The following NFASC variants were observed in gnomAD, a reference collection of about 807,000 sequenced individuals.
NFASC encodes the protein neurofascin.
NFASC carries 43 observed loss-of-function variants against 147.5 expected under a neutral mutation model. That is an observed-to-expected ratio of 0.29 (90% confidence interval 0.23 to 0.38). The LOEUF (loss-of-function observed/expected upper bound fraction) is 0.38. Ranked by LOEUF, NFASC falls within the 10% of genes least tolerant of loss-of-function variation. The pLI, the probability that NFASC is intolerant of heterozygous loss-of-function variation, is 1.00. For synonymous variants in NFASC, 622 were observed against 665.5 expected (o/e 0.93, Z 1.01); for missense variants, 1,320 against 1,689.0 (o/e 0.78, Z 3.83).
intron 1 of NFASC, chr1:204,871,148 T>C: frequency 8.2e-7 from 1 of 1,221,708 alleles, no homozygotes; most frequent in Non-Finnish European, 1.1e-6. Flanking sequence ...TCAAAGACTC[T>C]GAAGCGGTGT....
chr1:204,868,576 C>T lies in NFASC; in HGVS notation c.-200+39794C>T, dbSNP rs140743876. On this transcript the variant is annotated intron_variant, in intron 1 of 29. Coordinates refer to ENST00000339876, the MANE Select transcript of NFASC (RefSeq NM_001005388.3). ...CCCCTCCTGGCTTCCTGTTCCCTAT[C>T]GGCATTAGGCTCCCTGGGTTGAGAA... Among the ~76,000 whole-genome samples, 917 of 152,324 alleles carry T rather than the reference C, an allele frequency of 6.0e-3. 3 individuals are homozygous for T. Among genetic ancestry groups the T allele is most frequent in the Admixed American group, 0.014 (215 of 15,302 alleles).
rs989890308 is a variant in NFASC, at chr1:204,987,065, G to C, written c.2471-353G>C. 1.0e-5 allele frequency: 3 copies of C among 287,438 alleles called. No individual in the cohort carries two copies. The highest frequency in any genetic ancestry group is 2.0e-5 in the Non-Finnish European group (3 of 151,978). 17.8% of individuals were successfully genotyped at this position (287,438 alleles called of 1,614,324 possible). A position where few individuals can be genotyped will look rare whatever the true frequency, so the allele number is the denominator to read the frequency against. ...CAGCCTCTGTACAAAACAGCTGTAA[G>C]TGGTTCTCTACCTAGGAATGGCTCT... On this transcript the variant is annotated intron_variant, in intron 21 of 29. Coordinates refer to ENST00000339876, the MANE Select transcript of NFASC (RefSeq NM_001005388.3). This position sits in a 1 kb window ranked among gnomAD's most constrained non-coding sequence, Gnocchi z 4.4.
chr1:204,967,479 A>G (rs12725682), intron 8 of NFASC, among the ~76,000 whole-genome samples: 34,705 of 151,910 alleles, frequency 0.23, 4,220 homozygotes, highest in Non-Finnish European at 0.28. Flanking sequence ...ACCTGCATGA[A>G]TCTCATTGAT....
At chr1:204,944,686 G>A in intron 3 of NFASC, 1 of 414,152 alleles carries the variant, frequency 2.4e-6, no homozygotes, top group Non-Finnish European at 4.3e-6. Context: ...AGGTGGCGGA[G>A]TTTGGGATTC....
At chr1:204,969,065 G>A (rs963100859) in intron 10 of NFASC, 83 bp downstream of exon 10, 8 of 1,309,310 alleles carry the variant, frequency 6.1e-6, no homozygotes, top group Non-Finnish European at 8.5e-6. Context: ...GTGGTTGGGG[G>A]CAGAGTGAGT....
chr1:204,894,755 T>A (rs2083073004), intron 1 of NFASC, among the ~76,000 whole-genome samples: 1 of 152,218 alleles, frequency 6.6e-6, no homozygotes, highest in Non-Finnish European at 1.5e-5. Context: ...TTTCTTACTG[T>A]TTTTCTTCCT....
At chr1:204,875,500 G>A (rs990367652) in intron 1 of NFASC, among the ~76,000 whole-genome samples, 3 of 152,208 alleles carry the variant, frequency 2.0e-5, no homozygotes, top group African/African-American at 4.8e-5. Flanking sequence ...TGAGTCATAC[G>A]GGATTAGAAA....
intron 1 of NFASC, among the ~76,000 whole-genome samples, chr1:204,847,934 T>C (rs963518838): frequency 6.6e-6 from 1 of 152,260 alleles, no homozygotes; most frequent in African/African-American, 2.4e-5. Flanking sequence ...CAGTTAATGG[T>C]GTTGATAAGA....
chr1:204,992,912 A>G (rs551130731), intron 24 of NFASC, among the ~76,000 whole-genome samples: 2 of 152,302 alleles, frequency 1.3e-5, no homozygotes, highest in Admixed American at 6.5e-5. Flanking sequence ...GAAAAGATCT[A>G]CACTCATCCA....
At chr1:205,004,331 A>T (rs953643259) in intron 27 of NFASC, among the ~76,000 whole-genome samples, 1 of 152,256 alleles carries the variant, frequency 6.6e-6, no homozygotes, top group East Asian at 1.9e-4. Context: ...TATTAAGCAC[A>T]CGACAGAATA....
intron 10 of NFASC, 45 bp downstream of exon 10, chr1:204,969,027 A>G: frequency 6.4e-7 from 1 of 1,551,200 alleles, no homozygotes. Context: ...GCCAACCCTG[A>G]ACACCATGCC....
rs1464941533 is a variant in NFASC, at chr1:204,950,657, CCTGCTGGGACTT to C, written c.109+92_109+103del. ...TGAGGTGATACCTGGGGATTAGTGGCCTGCTGGGACTTCTGCTGGGGCCTCTTCATACCAGAG... is the reference window on the plus strand; with the variant it reads ...TGAGGTGATACCTGGGGATTAGTGGCCTGCTGGGGCCTCTTCATACCAGAG... On this transcript the variant is annotated intron_variant, in intron 4 of 29. Coordinates refer to ENST00000339876, the MANE Select transcript of NFASC (RefSeq NM_001005388.3). 21 of 1,298,016 alleles carry C rather than the reference CCTGCTGGGACTT, an allele frequency of 1.6e-5. No homozygotes were observed. The Admixed American group carries it at 3.2e-4, about 20-fold the overall frequency. The allele number at this position is 1,298,016 out of a possible 1,614,324, so 80.4% of individuals were successfully genotyped here. A position where few individuals can be genotyped will look rare whatever the true frequency, so the allele number is the denominator to read the frequency against.
chr1:205,008,276 C>T (rs771048127), intron 27 of NFASC, among the ~76,000 whole-genome samples: 3 of 152,186 alleles, frequency 2.0e-5, no homozygotes, highest in Non-Finnish European at 4.4e-5. Flanking sequence ...GGCTTGCACC[C>T]AGATAACTGC....
intron 1 of NFASC, among the ~76,000 whole-genome samples, chr1:204,909,189 A>G (rs1186907728): frequency 3.3e-5 from 5 of 152,212 alleles, no homozygotes. Flanking sequence ...GTACCATTTT[A>G]CATTTCTACC....
At chr1:204,984,136 G>T in intron 21 of NFASC, 1 of 1,612,360 alleles carries the variant, frequency 6.2e-7, no homozygotes, top group East Asian at 2.2e-5. Flanking sequence ...AGCTCAGAGA[G>T]TACCGAGTGA....
chr1:204,841,223 C>G (rs528502894), intron 1 of NFASC, among the ~76,000 whole-genome samples: 1 of 152,304 alleles, frequency 6.6e-6, no homozygotes, highest in South Asian at 2.1e-4. Flanking sequence ...CCTGATTAAA[C>G]GTTATTATTC....
rs2096364797 is a variant in NFASC, at chr1:205,016,649, G to T, written c.*110G>T. On this transcript the variant is annotated 3_prime_UTR_variant, in exon 30 of 30. Coordinates refer to ENST00000339876, the MANE Select transcript of NFASC (RefSeq NM_001005388.3). The surrounding 1 kb of genome is among the most constrained non-coding windows in gnomAD (Gnocchi z 5.1). ...GCCACCACCACCTTCAGTAACAAGG[G>T]TACGATATGGGGGTCTGCCAAGCTG... 3 of 784,564 alleles carry T rather than the reference G, an allele frequency of 3.8e-6. No individual in the cohort carries two copies. The highest frequency in any genetic ancestry group is 1.4e-5 in the South Asian group (1 of 69,780). The allele number at this position is 784,564 out of a possible 1,614,324, so 48.6% of individuals were successfully genotyped here.
At chr1:204,904,382 G>A (rs1180847728) in intron 1 of NFASC, among the ~76,000 whole-genome samples, 1 of 152,218 alleles carries the variant, frequency 6.6e-6, no homozygotes, top group Non-Finnish European at 1.5e-5. Flanking sequence ...GCAGGCATGA[G>A]CCACTACGCC....
At chr1:205,000,552 T>C (rs773208077) in intron 25 of NFASC, 1 of 154,524 alleles carries the variant, frequency 6.5e-6, no homozygotes, top group African/African-American at 2.4e-5. Context: ...CTCCTCCTCC[T>C]GGCCACACGG....
Sources: allele counts gnomAD v4.1 joint callset (sites outside exome capture counted in the v4.1 genomes callset), GRCh38; gene constraint gnomAD v4.1.1; non-coding constraint Gnocchi (gnomAD v3.1); transcripts MANE v1.5; gene names NCBI Gene and HGNC (gene_info 2026-07-23, HGNC 2026-07-21).